The following KNDC1 variants were observed in gnomAD, a reference collection of about 807,000 sequenced individuals.
KNDC1 encodes the protein kinase non-catalytic C-lobe domain-containing protein 1.
A neutral mutation model predicts 172.8 loss-of-function variants in KNDC1; 106 were observed. The ratio of observed to expected loss-of-function variants is 0.61; its 90% CI spans 0.52 to 0.72. The LOEUF (loss-of-function observed/expected upper bound fraction) is 0.72. KNDC1 is among the 30% of genes least tolerant of loss of function. KNDC1 has a pLI of 0.00. For synonymous variants in KNDC1, 1,083 were observed against 1,062.2 expected (o/e 1.02, Z -0.38); for missense variants, 2,325 against 2,394.5 (o/e 0.97, Z 0.61).
intron 9 of KNDC1, among the ~76,000 whole-genome samples, 180 bp from the exon 10 acceptor site, chr10:133,195,483 C>G (rs962855901): frequency 6.6e-6 from 1 of 152,182 alleles, no homozygotes; most frequent in Non-Finnish European, 1.5e-5. Context: ...GGACCACGAC[C>G]TGGAGGCGGA....
At chr10:133,197,196 C>A in intron 11 of KNDC1, 61 bp downstream of exon 11, 1 of 1,363,774 alleles carries the variant, frequency 7.3e-7, no homozygotes, top group Non-Finnish European at 1.0e-6. Flanking sequence ...CCCTCCTGGA[C>A]GCACTTGCCC....
chr10:133,167,152 C>T (rs914033501), intron 1 of KNDC1: 1 of 575,218 alleles, frequency 1.7e-6, no homozygotes, highest in Non-Finnish European at 3.1e-6. Flanking sequence ...CCGACACCTG[C>T]TCTGGGCAGC....
chr10:133,181,180 G>A (rs937951921), intron 3 of KNDC1, among the ~76,000 whole-genome samples: 1 of 152,198 alleles, frequency 6.6e-6, no homozygotes, highest in African/African-American at 2.4e-5. Flanking sequence ...GGCACCCACA[G>A]ATGCCACATG....
chr10:133,203,109 CG>C (rs1564893850), intron 17 of KNDC1, among the ~76,000 whole-genome samples: 3 of 87,160 alleles, frequency 3.4e-5, no homozygotes, highest in Non-Finnish European at 9.0e-5. Context: ...AAACGCACGG[CG>C]TCCAGCGGGG....
chr10:133,186,409 G>A lies in KNDC1; in HGVS notation c.1061G>A (p.Ser354Asn). ...CTGGACAGGAAAAATGGCCTTTCTA[G>A]CTTCCAGGCTCAGCCCAAATGCAGG... The part of the protein sequence containing the change: ...AFLDRKNGLS[S>N]FQAQPKCRLW... Residue 354 changes from serine to asparagine, a missense_variant, in exon 6 of 30, where the codon AGC becomes AAC. Ser to Asn is a conservative substitution (Grantham distance 46). Transcript: ENST00000304613. The A allele has an allele frequency of 6.2e-7, 1 of 1,612,740 alleles. No homozygotes were observed. Among genetic ancestry groups the A allele is most frequent in the Non-Finnish European group, 8.5e-7 (1 of 1,179,918 alleles).
Position 133,211,695 on chromosome 10 carries a change from G to A in KNDC1, c.4073G>A (p.Gly1358Asp). Residue 1358 changes from glycine to aspartate, a missense_variant, in exon 23 of 30, where the codon GGC (glycine) becomes GAC (aspartate). Gly to Asp is a moderately conservative substitution (Grantham distance 94). Coordinates refer to ENST00000304613, the MANE Select transcript of KNDC1 (RefSeq NM_152643.8). ...TCTGCCTAGATCCTACCCCTGGACGGCTCTGCCAAGCACCTGCTGGGCCTC... is the reference window on the plus strand; with the variant it reads ...TCTGCCTAGATCCTACCCCTGGACGACTCTGCCAAGCACCTGCTGGGCCTC... Reference protein sequence around the residue: ...FISSKILPLDGSAKHLLGLLE... With the variant: ...FISSKILPLDDSAKHLLGLLE... The A allele has an allele frequency of 6.2e-7, 1 of 1,600,124 alleles. No individual in the cohort carries two copies. Among genetic ancestry groups the A allele is most frequent in the Non-Finnish European group, 8.5e-7 (1 of 1,172,938 alleles).
intron 20 of KNDC1, 23 bp from the exon 21 acceptor site, chr10:133,210,588 C>T: frequency 3.3e-6 from 5 of 1,500,086 alleles, no homozygotes; most frequent in Non-Finnish European, 4.6e-6. Context: ...CACCACCTCA[C>T]CGCCGCCCGC....
Position 133,186,221 on chromosome 10 carries a change from G to A in KNDC1, c.873G>A (p.Glu291=). The part of the protein sequence containing the change: ...LVLDAERTLG[E]LDRDALRRSR... ...TGGATGCCGAGCGCACCCTCGGGGA[G>A]CTGGACAGAGACGCCCTCAGGAGAA... Residue 291 remains glutamate, a synonymous_variant, in exon 6 of 30, where the codon GAG becomes GAA. Coordinates refer to ENST00000304613, the MANE Select transcript of KNDC1 (RefSeq NM_152643.8). The A allele has an allele frequency of 6.3e-7, 1 of 1,582,510 alleles. No homozygotes were observed. Among genetic ancestry groups the A allele is most frequent in the Non-Finnish European group, 8.6e-7 (1 of 1,165,166 alleles).
Position 133,207,830 on chromosome 10 carries a change from C to T in KNDC1, c.3794+479C>T, listed in dbSNP as rs1249647040. Among the ~76,000 whole-genome samples, 6 of 152,212 alleles carry T rather than the reference C, an allele frequency of 3.9e-5. No homozygotes were observed. In the East Asian group the frequency reaches 5.8e-4, roughly 15 times the overall value. On this transcript the variant is annotated intron_variant, in intron 20 of 29. Coordinates refer to ENST00000304613, the MANE Select transcript of KNDC1 (RefSeq NM_152643.8). ...CCGTAAACGCTGGTGTGCGTACGTA[C>T]GCCTGCAGCAGGGAGGAGCCGCCGG...
At chr10:133,195,556 T>G in intron 9 of KNDC1, 107 bp from the exon 10 acceptor site, 1 of 1,093,078 alleles carries the variant, frequency 9.1e-7, no homozygotes, top group Non-Finnish European at 1.2e-6. Flanking sequence ...AGCCCCTCTG[T>G]GGGGGCAGTG....
intron 17 of KNDC1, among the ~76,000 whole-genome samples, chr10:133,204,727 G>A (rs906944169): frequency 6.6e-6 from 1 of 152,242 alleles, no homozygotes. Flanking sequence ...ACTGGCGGCT[G>A]ACAAGGCGAG....
At chr10:133,197,895 G>C (rs1055329249) in intron 12 of KNDC1, 127 bp downstream of exon 12, 6 of 774,586 alleles carry the variant, frequency 7.7e-6, no homozygotes, top group Non-Finnish European at 1.3e-5. Flanking sequence ...TCCAGAGCTC[G>C]GCCAACGTGG....
At chr10:133,204,683 A>C (rs1363387975) in intron 17 of KNDC1, among the ~76,000 whole-genome samples, 5 of 152,228 alleles carry the variant, frequency 3.3e-5, no homozygotes, top group Non-Finnish European at 7.4e-5. Context: ...TTTGCAAAAA[A>C]CATTCAAAAA....
rs368355947 is a variant in KNDC1 at position 133,195,624 on chromosome 10, A to C, written c.1576-39A>C. 5.4e-6 allele frequency: 8 copies of C among 1,486,330 alleles called. No individual in the cohort carries two copies. The African/African-American group carries it at 1.1e-4, about 21-fold the overall frequency. 92.1% of individuals were successfully genotyped at this position (1,486,330 alleles called of 1,614,324 possible). On this transcript the variant is annotated intron_variant, in intron 9 of 29. Transcript: ENST00000304613. ...AGGTCTGCTGGGCACAGCAGCCCAC[A>C]GCCCTGCGGTAGACACTATTCTCTC... is the stretch of plus-strand genomic sequence containing the variant.
intron 3 of KNDC1, among the ~76,000 whole-genome samples, chr10:133,170,030 C>G (rs1461533612): frequency 6.6e-6 from 1 of 152,236 alleles, no homozygotes; most frequent in Admixed American, 6.5e-5. Context: ...TCTTCCAGGA[C>G]TTCCTTTTAT....
At chr10:133,218,686 C>G (rs1421111776) in intron 26 of KNDC1, 145 bp from the exon 27 acceptor site, 2 of 1,051,666 alleles carry the variant, frequency 1.9e-6, no homozygotes, top group Non-Finnish European at 2.8e-6. Flanking sequence ...CGCTCACCTG[C>G]GTCCACACAG....
At chr10:133,194,830 T>A (rs905687768) in intron 9 of KNDC1, among the ~76,000 whole-genome samples, 2 of 152,244 alleles carry the variant, frequency 1.3e-5, no homozygotes, top group African/African-American at 4.8e-5. Context: ...GATGATGTGA[T>A]TAAACTTAAA....
chr10:133,198,389 GC>G lies in KNDC1; in HGVS notation c.1962del (p.Gly655AlafsTer72). On this transcript the variant is annotated frameshift_variant, in exon 13 of 30. Transcript: ENST00000304613. LOFTEE classifies it high-confidence loss of function. ...GGCTTGTGGCTGTGCCAGGGCCCGT[GC>G]CCGGCCAGCACCCCTGCGGTGAAGA... is the stretch of plus-strand genomic sequence containing the variant. ...TGLVAVPGPV[P>X]GQHPCGEEAT... 6.3e-7 allele frequency: 1 copy of G among 1,598,120 alleles called. No homozygotes were observed. The highest frequency in any genetic ancestry group is 8.5e-7 in the Non-Finnish European group (1 of 1,173,614).
In KNDC1 at chr10:133,225,722, CCCA is replaced by C. The variant is rs149704993; in HGVS notation, c.*835_*837del. 2,085 of 153,230 alleles carry C rather than the reference CCCA, an allele frequency of 0.014. 50 individuals are homozygous for C. The highest frequency in any genetic ancestry group is 0.048 in the African/African-American group (1,979 of 41,580). 9.5% of individuals were successfully genotyped at this position (153,230 alleles called of 1,614,324 possible). ...TCTCATGCCCCAGGGACCGCCACTG[CCCA>C]CCGCCTCCAGCAGCCATGCATGTGC... On this transcript the variant is annotated 3_prime_UTR_variant, in exon 30 of 30. Coordinates refer to ENST00000304613, the MANE Select transcript of KNDC1 (RefSeq NM_152643.8).
Sources: allele counts gnomAD v4.1 joint callset (sites outside exome capture counted in the v4.1 genomes callset), GRCh38; gene constraint gnomAD v4.1.1; transcripts MANE v1.5; gene names NCBI Gene and HGNC (gene_info 2026-07-23, HGNC 2026-07-21).